LRRC4C: variants seen among roughly 807,000 people sequenced by gnomAD.
LRRC4C encodes leucine rich repeat containing 4C, also known as leucine-rich repeat-containing protein 4C.
A neutral mutation model predicts 33.6 loss-of-function variants in LRRC4C; 5 were observed. The observed-to-expected ratio is 0.15, with a 90% CI of 0.08 to 0.31. The LOEUF is 0.31. Among genes scored for constraint, LRRC4C ranks in the 10% least tolerant of loss-of-function variants. LRRC4C has a pLI of 1.00. For synonymous variants in LRRC4C, 329 were observed against 302.0 expected (o/e 1.09, Z -0.93); for missense variants, 560 against 796.7 (o/e 0.70, Z 3.58).
chr11:40,582,797 G>A (rs909448134), intron 3 of LRRC4C, among the ~76,000 whole-genome samples: 2 of 151,376 alleles, frequency 1.3e-5, no homozygotes, highest in Non-Finnish European at 2.9e-5. Context: ...GATTACAGGC[G>A]TGAGCCCCCA....
chr11:40,680,521 T>C (rs1944633944), intron 2 of LRRC4C, among the ~76,000 whole-genome samples: 1 of 152,132 alleles, frequency 6.6e-6, no homozygotes, highest in Non-Finnish European at 1.5e-5. Flanking sequence ...TGATTGAATC[T>C]TGGAGGCGGA....
intron 2 of LRRC4C, among the ~76,000 whole-genome samples, chr11:40,922,833 T>A (rs753306012): frequency 6.6e-6 from 1 of 151,620 alleles, no homozygotes; most frequent in Non-Finnish European, 1.5e-5. Context: ...AATGTGATAC[T>A]TTTTTTTTCA....
intron 1 of LRRC4C, among the ~76,000 whole-genome samples, chr11:41,111,376 C>G (rs1281995881): frequency 6.6e-6 from 1 of 152,012 alleles, no homozygotes; most frequent in African/African-American, 2.4e-5. Flanking sequence ...GTTCCTAGCC[C>G]AGGGACAGAA....
At chr11:41,444,463 T>C (rs1955754452) in intron 1 of LRRC4C, among the ~76,000 whole-genome samples, 1 of 152,212 alleles carries the variant, frequency 6.6e-6, no homozygotes, top group Non-Finnish European at 1.5e-5. Context: ...TCCATGGATT[T>C]TTGTATTCAC....
At chr11:40,886,047 T>C (rs1215593748) in intron 2 of LRRC4C, among the ~76,000 whole-genome samples, 1 of 152,024 alleles carries the variant, frequency 6.6e-6, no homozygotes, top group Non-Finnish European at 1.5e-5. Context: ...ATGAGAGAAA[T>C]TGTCAGTGGC....
chr11:40,953,070 A>C (rs2136752913), intron 1 of LRRC4C, among the ~76,000 whole-genome samples: 1 of 152,076 alleles, frequency 6.6e-6, no homozygotes, highest in South Asian at 2.1e-4. Flanking sequence ...AGAGGTCCTC[A>C]GAAAACAAGT....
At chr11:41,293,086 G>A (rs1382501389) in intron 1 of LRRC4C, among the ~76,000 whole-genome samples, 1 of 152,050 alleles carries the variant, frequency 6.6e-6, no homozygotes, top group Non-Finnish European at 1.5e-5. Flanking sequence ...GTCATAGAGG[G>A]ACATTGAATC....
At chr11:41,074,919 G>A (rs1938991633) in intron 1 of LRRC4C, among the ~76,000 whole-genome samples, 1 of 151,602 alleles carries the variant, frequency 6.6e-6, no homozygotes. Context: ...GGGCTTCAAT[G>A]GTTCTGAAAA....
At chr11:40,514,154 C>A (rs986020690) in intron 3 of LRRC4C, among the ~76,000 whole-genome samples, 7 of 152,210 alleles carry the variant, frequency 4.6e-5, no homozygotes, top group African/African-American at 1.7e-4. Context: ...GACCTGGGTT[C>A]AAACCCTTGT....
chr11:40,984,663 C>T lies in LRRC4C; in HGVS notation c.-495-50940G>A, dbSNP rs138378742. ...TTACATCTAAATTACAATATTGCTA[C>T]AATTTTATACGTTTAGTTAGAAGGA... On this transcript the variant is annotated intron_variant, in intron 1 of 6. Transcript: ENST00000528697. Among the ~76,000 whole-genome samples the T allele has an allele frequency of 6.2e-4, 95 of 152,112 alleles. 1 individual carries two copies. The East Asian group carries it at 0.017, about 27-fold the overall frequency.
chr11:40,789,535 G>A lies in LRRC4C; in HGVS notation c.-406-141257C>T, dbSNP rs79881421. ...CTGTTTTAATTGACATCCTCACTAAGTCAATAAGATTTTTAAAGTAAGGTT... is the reference window on the plus strand; with the variant it reads ...CTGTTTTAATTGACATCCTCACTAAATCAATAAGATTTTTAAAGTAAGGTT... On this transcript the variant is annotated intron_variant, in intron 2 of 6. Coordinates refer to ENST00000528697, the MANE Select transcript of LRRC4C (RefSeq NM_001258419.2). Among the ~76,000 whole-genome samples the A allele has an allele frequency of 6.9e-4, 105 of 152,038 alleles. 1 individual carries two copies. In the East Asian group the frequency reaches 0.017, roughly 25 times the overall value.
chr11:41,033,157 T>G (rs1856826326), intron 1 of LRRC4C, among the ~76,000 whole-genome samples: 1 of 152,096 alleles, frequency 6.6e-6, no homozygotes, highest in South Asian at 2.1e-4. Flanking sequence ...TGTTACGTGC[T>G]TAGGCTCCTC....
intron 2 of LRRC4C, among the ~76,000 whole-genome samples, chr11:40,662,236 G>A (rs1943476713): frequency 6.6e-6 from 1 of 152,060 alleles, no homozygotes; most frequent in Admixed American, 6.5e-5. Flanking sequence ...ATCCTAGGTG[G>A]CCAGATCACT....
At chr11:40,480,887 C>T (rs1376135776) in intron 3 of LRRC4C, among the ~76,000 whole-genome samples, 2 of 151,984 alleles carry the variant, frequency 1.3e-5, no homozygotes, top group East Asian at 3.9e-4. Context: ...AAGGCAAACT[C>T]ATAGAAGCAG....
chr11:40,295,913 T>C (rs1248192001), intron 4 of LRRC4C, among the ~76,000 whole-genome samples: 1 of 152,240 alleles, frequency 6.6e-6, no homozygotes, highest in Admixed American at 6.5e-5. Flanking sequence ...GTTTATCCAC[T>C]AATAAACGAT....
chr11:40,306,943 T>G (rs1451521606), intron 4 of LRRC4C, among the ~76,000 whole-genome samples: 3 of 33,478 alleles, frequency 9.0e-5, no homozygotes, highest in African/African-American at 1.8e-4. Context: ...GTTATCTGGT[T>G]TTTTTTTTTT....
chr11:41,246,812 T>C (rs903581703), intron 1 of LRRC4C, among the ~76,000 whole-genome samples: 1 of 152,254 alleles, frequency 6.6e-6, no homozygotes. Context: ...AAAGCTAGTA[T>C]TAAGCTTTAG....
chr11:40,567,162 T>G (rs1413502631), intron 3 of LRRC4C, among the ~76,000 whole-genome samples: 4 of 152,168 alleles, frequency 2.6e-5, no homozygotes, highest in Non-Finnish European at 5.9e-5. Context: ...TGGTTAATTT[T>G]GTTGTAATTT....
intron 3 of LRRC4C, among the ~76,000 whole-genome samples, chr11:40,354,195 T>A (rs1947549945): frequency 6.6e-6 from 1 of 152,202 alleles, no homozygotes; most frequent in Non-Finnish European, 1.5e-5. Context: ...TTCTCTACCC[T>A]TACTTTACCC....
Sources: gnomAD v4.1 joint callset for allele counts (sites outside exome capture counted in the v4.1 genomes callset) on GRCh38, gnomAD v4.1.1 for gene constraint, MANE v1.5 for transcripts, NCBI Gene and HGNC (gene_info 2026-07-23, HGNC 2026-07-21) for gene names.